PTPRM: variants seen among roughly 807,000 people sequenced by gnomAD.
PTPRM encodes the protein receptor-type tyrosine-protein phosphatase mu.
In PTPRM, 47 loss-of-function variants were observed where a neutral mutation model predicts 186.7. That is an observed-to-expected ratio of 0.25 (90% CI 0.20 to 0.32). PTPRM has a LOEUF of 0.32. Ranked by LOEUF, PTPRM falls within the 10% of genes least tolerant of loss-of-function variation. The pLI, the probability that PTPRM is intolerant of heterozygous loss-of-function variation, is 1.00. For missense variants in PTPRM, 1,494 were observed against 1,865.0 expected (o/e 0.80, Z 3.66); for synonymous variants, 668 against 674.9 (o/e 0.99, Z 0.16).
At chr18:7,820,299 G>A (rs2045114750) in intron 2 of PTPRM, among the ~76,000 whole-genome samples, 1 of 152,140 alleles carries the variant, frequency 6.6e-6, no homozygotes, top group African/African-American at 2.4e-5. Context: ...CCGGGGATTG[G>A]TGAGGGCCTG....
intron 1 of PTPRM, among the ~76,000 whole-genome samples, chr18:7,585,998 C>T (rs929511459): frequency 3.3e-5 from 5 of 152,134 alleles, no homozygotes; most frequent in African/African-American, 1.2e-4. Flanking sequence ...TTGTCTTAAG[C>T]GCTTTTTAAT....
chr18:7,663,421 C>T (rs1348297782), intron 1 of PTPRM, among the ~76,000 whole-genome samples: 1 of 152,178 alleles, frequency 6.6e-6, no homozygotes, highest in African/African-American at 2.4e-5. Flanking sequence ...AAATCACTGC[C>T]TTCATGGAGC....
Position 8,143,574 on chromosome 18 carries a change from A to C in PTPRM, c.2168-73A>C, listed in dbSNP as rs528025122. The C allele has an allele frequency of 4.3e-4, 640 of 1,493,550 alleles. 7 individuals are homozygous for C. In the South Asian group the frequency reaches 7.2e-3, roughly 17 times the overall value. The allele number at this position is 1,493,550 out of a possible 1,614,324, so 92.5% of individuals were successfully genotyped here. A position where few individuals can be genotyped will look rare whatever the true frequency, so the allele number is the denominator to read the frequency against. On this transcript the variant is annotated intron_variant, in intron 13 of 32. Coordinates refer to ENST00000580170, the MANE Select transcript of PTPRM (RefSeq NM_001105244.2). ...CTTATTACTCTGTTAAATGCAGCGA[A>C]ATTTTTTAAACTGTGGCATCTTTAT...
chr18:8,200,852 G>A (rs2093845779), intron 14 of PTPRM, among the ~76,000 whole-genome samples: 1 of 151,946 alleles, frequency 6.6e-6, no homozygotes, highest in African/African-American at 2.4e-5. Flanking sequence ...TAAATACCTG[G>A]GAGTAATTCC....
chr18:7,795,492 T>C (rs906687507), intron 2 of PTPRM, among the ~76,000 whole-genome samples: 2 of 151,922 alleles, frequency 1.3e-5, no homozygotes, highest in African/African-American at 4.8e-5. Context: ...AAAAGCTATA[T>C]TGGAGTACCC....
At chr18:7,844,993 G>A (rs546035233) in intron 2 of PTPRM, among the ~76,000 whole-genome samples, 18 of 152,166 alleles carry the variant, frequency 1.2e-4, no homozygotes, top group African/African-American at 3.6e-4. Context: ...TTCTGCTGAG[G>A]GATTACCCTG....
chr18:8,109,306 G>A (rs1393249423), intron 11 of PTPRM, among the ~76,000 whole-genome samples: 1 of 152,216 alleles, frequency 6.6e-6, no homozygotes, highest in Non-Finnish European at 1.5e-5. Flanking sequence ...GACTAGAAAA[G>A]AGCTGCTTGA....
intron 1 of PTPRM, among the ~76,000 whole-genome samples, chr18:7,578,357 A>G (rs2036746779): frequency 1.6e-5 from 2 of 128,496 alleles, no homozygotes; most frequent in Admixed American, 1.7e-4. Context: ...TTTTTTTGAG[A>G]CGGAGTCTTG....
intron 23 of PTPRM, among the ~76,000 whole-genome samples, chr18:8,369,800 A>AT (rs1016389427): frequency 1.6e-4 from 25 of 152,114 alleles, no homozygotes; most frequent in African/African-American, 6.0e-4. Flanking sequence ...AAAATAAAAG[A>AT]TTAGCTGGGC....
intron 23 of PTPRM, among the ~76,000 whole-genome samples, chr18:8,344,448 G>GTGTGTATATATATATATATATATA (rs1360655194): frequency 5.7e-4 from 19 of 33,416 alleles, no homozygotes; most frequent in Admixed American, 8.7e-4. Flanking sequence ...GTGTGTGTGT[G>GTGTGTATATATATATATATATATA]TATATATATA....
At chr18:8,379,725 A>G (rs558834392) in intron 28 of PTPRM, among the ~76,000 whole-genome samples, 225 of 152,290 alleles carry the variant, frequency 1.5e-3, no homozygotes, top group African/African-American at 5.3e-3. Context: ...TCAACTCATT[A>G]CTTCCTGCCA....
chr18:7,841,281 CTTTTTTTTTTTTTT>C (rs34688860), intron 2 of PTPRM, among the ~76,000 whole-genome samples: 1 of 70,200 alleles, frequency 1.4e-5, no homozygotes, highest in Non-Finnish European at 2.8e-5. Flanking sequence ...CAAATCATTT[CTTTTTTTTTTTTTT>C]TTTTTTTTTT....
chr18:8,085,373 A>T (rs2090378549), intron 9 of PTPRM, among the ~76,000 whole-genome samples: 1 of 152,120 alleles, frequency 6.6e-6, no homozygotes, highest in Non-Finnish European at 1.5e-5. Flanking sequence ...AACCCATTGT[A>T]ATGTAGTTTT....
chr18:8,027,176 A>T (rs1032475219), intron 7 of PTPRM, among the ~76,000 whole-genome samples: 3 of 152,236 alleles, frequency 2.0e-5, no homozygotes, highest in African/African-American at 7.2e-5. Context: ...TCTAACAAAG[A>T]ACTATAAAAT....
chr18:7,989,428 A>G (rs1293185220), intron 7 of PTPRM, among the ~76,000 whole-genome samples: 2 of 152,212 alleles, frequency 1.3e-5, no homozygotes, highest in Admixed American at 1.3e-4. Context: ...ATTTCTTAAC[A>G]CTAATTAAGA....
At chr18:7,948,448 C>T (rs2052704446) in intron 5 of PTPRM, among the ~76,000 whole-genome samples, 1 of 152,008 alleles carries the variant, frequency 6.6e-6, no homozygotes, top group Non-Finnish European at 1.5e-5. Flanking sequence ...GAATGGATTT[C>T]CAAGTGTGCA....
intron 14 of PTPRM, among the ~76,000 whole-genome samples, chr18:8,156,978 A>G (rs138924018): frequency 5.9e-5 from 9 of 152,216 alleles, no homozygotes; most frequent in Non-Finnish European, 1.3e-4. Flanking sequence ...GGTTTACTGA[A>G]CAAGAGAATC....
intron 7 of PTPRM, among the ~76,000 whole-genome samples, chr18:8,023,864 A>ACG (rs1338750504): frequency 2.3e-4 from 33 of 144,396 alleles, no homozygotes; most frequent in African/African-American, 7.3e-4. Context: ...ACACACACAC[A>ACG]CACACACGCA....
At chr18:7,916,766 C>T (rs949760635) in intron 4 of PTPRM, among the ~76,000 whole-genome samples, 15 of 152,080 alleles carry the variant, frequency 9.9e-5, no homozygotes, top group South Asian at 2.1e-4. Context: ...TCACCTCAAA[C>T]ATTTATCATT....
Sources: gnomAD v4.1 joint callset for allele counts (sites outside exome capture counted in the v4.1 genomes callset) on GRCh38, gnomAD v4.1.1 for gene constraint, MANE v1.5 for transcripts, NCBI Gene and HGNC (gene_info 2026-07-23, HGNC 2026-07-21) for gene names.